NRG1: variants seen among roughly 807,000 people sequenced by gnomAD.
NRG1 encodes the protein neuregulin 1, also known as pro-neuregulin-1, membrane-bound isoform.
A neutral mutation model predicts 63.8 loss-of-function variants in NRG1; 18 were observed. That is an observed-to-expected ratio of 0.28 (90% CI 0.19 to 0.42). The LOEUF (loss-of-function observed/expected upper bound fraction) is 0.42. Among genes scored for constraint, NRG1 ranks in the 10% least tolerant of loss-of-function variants. The pLI is 1.00. For synonymous variants in NRG1, 302 were observed against 301.3 expected, an observed-to-expected ratio of 1.00 and a Z score of -0.02; for missense variants, 762 against 814.7, an observed-to-expected ratio of 0.94 and a Z score of 0.79.
chr8:31,681,467 A>T (rs1469552042), intron 1 of NRG1, among the ~76,000 whole-genome samples: 2 of 152,000 alleles, frequency 1.3e-5, no homozygotes, highest in African/African-American at 4.8e-5. Context: ...TTAAATGACA[A>T]TGACATATCA....
intron 1 of NRG1, among the ~76,000 whole-genome samples, chr8:31,648,281 G>A (rs549425848): frequency 3.1e-4 from 47 of 151,582 alleles, no homozygotes; most frequent in African/African-American, 8.5e-4. Flanking sequence ...CTACAGGCGC[G>A]CGCCACCATG....
chr8:31,966,518 A>G (rs1309154591), intron 1 of NRG1, among the ~76,000 whole-genome samples: 1 of 152,234 alleles, frequency 6.6e-6, no homozygotes, highest in Admixed American at 6.5e-5. Context: ...TATATGTCCC[A>G]TTATTTGAAA....
intron 1 of NRG1, among the ~76,000 whole-genome samples, chr8:31,932,389 G>A (rs972570131): frequency 6.6e-6 from 1 of 152,190 alleles, no homozygotes; most frequent in African/African-American, 2.4e-5. Flanking sequence ...GTCAAAAAGA[G>A]AAGCAACGCT....
At chr8:32,646,625 A>G (rs938247747) in intron 5 of NRG1, 2 of 927,484 alleles carry the variant, frequency 2.2e-6, no homozygotes. Context: ...ACAGTGGGTG[A>G]AGGAAAGAGA....
intron 1 of NRG1, among the ~76,000 whole-genome samples, chr8:32,229,755 A>G (rs779900667): frequency 3.3e-5 from 5 of 152,228 alleles, no homozygotes; most frequent in Admixed American, 6.5e-5. Flanking sequence ...AGAGTCAATT[A>G]GGAATATGTT....
chr8:31,697,016 ATC>A (rs1810135451), intron 1 of NRG1, among the ~76,000 whole-genome samples: 1 of 152,240 alleles, frequency 6.6e-6, no homozygotes, highest in Non-Finnish European at 1.5e-5. Flanking sequence ...ATATTTAATT[ATC>A]CAGATACGTT....
intron 1 of NRG1, among the ~76,000 whole-genome samples, chr8:32,042,399 G>A (rs147692931): frequency 0.011 from 1,659 of 152,116 alleles, 28 homozygotes; most frequent in African/African-American, 0.038. Flanking sequence ...GCTGCAGTGA[G>A]CACATCACTG....
intron 5 of NRG1, among the ~76,000 whole-genome samples, chr8:32,665,155 A>G (rs772897960): frequency 4.6e-5 from 7 of 152,150 alleles, no homozygotes; most frequent in Non-Finnish European, 1.0e-4. Flanking sequence ...CTGGTAATTT[A>G]TGTACTAAGA....
intron 1 of NRG1, among the ~76,000 whole-genome samples, chr8:32,162,200 A>G (rs1027936323): frequency 6.6e-6 from 1 of 152,210 alleles, no homozygotes; most frequent in African/African-American, 2.4e-5. Flanking sequence ...AACTTCATAC[A>G]TCTGTCACTA....
intron 1 of NRG1, among the ~76,000 whole-genome samples, chr8:31,703,811 G>T (rs1810864369): frequency 6.6e-6 from 1 of 152,126 alleles, no homozygotes; most frequent in South Asian, 2.1e-4. Flanking sequence ...TCAAATATTT[G>T]TGCTCTTAGC....
intron 1 of NRG1, among the ~76,000 whole-genome samples, chr8:31,826,343 TG>T (rs1824557033): frequency 6.6e-6 from 1 of 152,108 alleles, no homozygotes; most frequent in African/African-American, 2.4e-5. Context: ...AATTGAATCA[TG>T]GGGGTGGGTC....
At chr8:31,865,687 A>G (rs2129610964) in intron 1 of NRG1, among the ~76,000 whole-genome samples, 1 of 152,196 alleles carries the variant, frequency 6.6e-6, no homozygotes, top group East Asian at 1.9e-4. Context: ...CCCTTCTGCC[A>G]CAATTGTAAG....
At chr8:32,438,572 G>A (rs184235037) in intron 1 of NRG1, among the ~76,000 whole-genome samples, 76 of 152,210 alleles carry the variant, frequency 5.0e-4, no homozygotes, top group African/African-American at 1.8e-3. Flanking sequence ...TTCTAGATCT[G>A]ATAGTAATTG....
At chr8:32,164,790 C>A (rs1318357370) in intron 1 of NRG1, among the ~76,000 whole-genome samples, 2 of 152,082 alleles carry the variant, frequency 1.3e-5, no homozygotes, top group East Asian at 3.8e-4. Context: ...CAATTTTAGG[C>A]CCTTAGTTCC....
At chr8:32,392,362 G>T (rs371252152) in intron 1 of NRG1, among the ~76,000 whole-genome samples, 1 of 152,200 alleles carries the variant, frequency 6.6e-6, no homozygotes, top group African/African-American at 2.4e-5. Flanking sequence ...TCCCATAAAA[G>T]CAGTAATTTT....
intron 1 of NRG1, among the ~76,000 whole-genome samples, chr8:32,479,279 C>T (rs1340424697): frequency 6.6e-6 from 1 of 151,844 alleles, no homozygotes; most frequent in African/African-American, 2.4e-5. Flanking sequence ...AGCTTGAGAC[C>T]AGCCTGGCCA....
chr8:31,736,460 G>A (rs1018166033), intron 1 of NRG1, among the ~76,000 whole-genome samples: 3 of 151,910 alleles, frequency 2.0e-5, no homozygotes, highest in African/African-American at 7.3e-5. Flanking sequence ...GAACAGTGAC[G>A]GACACATGAT....
intron 1 of NRG1, among the ~76,000 whole-genome samples, chr8:32,055,454 C>T (rs1822758929): frequency 6.6e-6 from 1 of 152,124 alleles, no homozygotes; most frequent in East Asian, 1.9e-4. Context: ...TCTAAGCTCT[C>T]TTCTCCACAC....
intron 5 of NRG1, among the ~76,000 whole-genome samples, chr8:32,710,132 A>C (rs1163680475): frequency 1.3e-5 from 2 of 152,194 alleles, no homozygotes; most frequent in Non-Finnish European, 2.9e-5. Context: ...TTAACTTTTA[A>C]TTAAGGAGTG....
Sources: gnomAD v4.1 joint callset for allele counts (sites outside exome capture counted in the v4.1 genomes callset) on GRCh38, gnomAD v4.1.1 for gene constraint, MANE v1.5 for transcripts, NCBI Gene and HGNC (gene_info 2026-07-23, HGNC 2026-07-21) for gene names.